Variants in ARHGAP42 observed in about 807,000 individuals in gnomAD.
ARHGAP42 encodes the protein rho GTPase-activating protein 42.
Under a neutral mutation model 125.0 loss-of-function variants are expected in ARHGAP42, and 63 were observed. The ratio of observed to expected loss-of-function variants is 0.50; its 90% CI spans 0.41 to 0.62. The LOEUF (loss-of-function observed/expected upper bound fraction) is 0.62. Among genes scored for constraint, ARHGAP42 ranks in the 20% least tolerant of loss-of-function variants. The pLI is 0.00. For missense variants in ARHGAP42, 766 were observed against 1,024.2 expected (o/e 0.75, Z 3.44); for synonymous variants, 339 against 351.0 (o/e 0.97, Z 0.38).
At chr11:100,893,158 G>GGTGTGTGTGT (rs142725608) in intron 4 of ARHGAP42, among the ~76,000 whole-genome samples, 25,097 of 146,878 alleles carry the variant, frequency 0.17, 2,851 homozygotes, top group East Asian at 0.49. Context: ...AACATTTAGG[G>GGTGTGTGTGT]GTGTGTGTGT....
At chr11:100,794,580 A>G (rs1863662358) in intron 2 of ARHGAP42, among the ~76,000 whole-genome samples, 1 of 152,194 alleles carries the variant, frequency 6.6e-6, no homozygotes, top group African/African-American at 2.4e-5. Flanking sequence ...TTGGATGTAG[A>G]AGTAAAGTTG....
At chr11:100,917,960 G>A (rs756517111) in intron 5 of ARHGAP42, among the ~76,000 whole-genome samples, 1 of 152,092 alleles carries the variant, frequency 6.6e-6, no homozygotes, top group Non-Finnish European at 1.5e-5. Flanking sequence ...TTGCTGGGGT[G>A]CACCAGACAC....
At chr11:100,730,375 ATTAAGCC>A (rs918589358) in intron 1 of ARHGAP42, among the ~76,000 whole-genome samples, 3 of 152,358 alleles carry the variant, frequency 2.0e-5, no homozygotes, top group South Asian at 2.1e-4. Context: ...ATGCATGGCT[ATTAAGCC>A]TTATGTATGA....
chr11:100,979,268 G>A (rs1484707529), intron 22 of ARHGAP42, among the ~76,000 whole-genome samples: 1 of 152,154 alleles, frequency 6.6e-6, no homozygotes, highest in African/African-American at 2.4e-5. Flanking sequence ...CAGTAGAAGG[G>A]CTCTAAACAA....
chr11:100,988,076 T>C (rs140314543), intron 23 of ARHGAP42, among the ~76,000 whole-genome samples: 14,035 of 152,128 alleles, frequency 0.092, 928 homozygotes, highest in Non-Finnish European at 0.13. Flanking sequence ...TGCAGTGAGC[T>C]GAGATGGCAC....
intron 1 of ARHGAP42, among the ~76,000 whole-genome samples, chr11:100,701,015 A>G (rs982762693): frequency 2.0e-5 from 3 of 152,216 alleles, no homozygotes; most frequent in African/African-American, 7.2e-5. Context: ...TTACTTCTTG[A>G]TCCATGGGCT....
chr11:100,911,425 G>C (rs1309226313), intron 4 of ARHGAP42, among the ~76,000 whole-genome samples: 1 of 152,066 alleles, frequency 6.6e-6, no homozygotes, highest in Non-Finnish European at 1.5e-5. Flanking sequence ...GGAGAGAGTT[G>C]AAAGAAGGGA....
intron 1 of ARHGAP42, among the ~76,000 whole-genome samples, chr11:100,749,705 T>C (rs1037309982): frequency 6.6e-6 from 1 of 152,058 alleles, no homozygotes; most frequent in Admixed American, 6.6e-5. Context: ...CCTTAAGCCA[T>C]ATGAGGTAGC....
Position 100,744,825 on chromosome 11 carries a change from A to T in ARHGAP42, c.155-25518A>T, listed in dbSNP as rs141276427. ...GCCGCAAAAGAAATAGCACTTGAAT[A>T]TAAAATTTTCTTTTTAATTCTCTGC... On this transcript the variant is annotated intron_variant, in intron 1 of 23. Coordinates refer to ENST00000298815, the MANE Select transcript of ARHGAP42 (RefSeq NM_152432.4). Among the ~76,000 whole-genome samples the T allele has an allele frequency of 4.4e-3, 674 of 152,198 alleles. 5 individuals are homozygous for T. The highest frequency in any genetic ancestry group is 0.015 in the African/African-American group (641 of 41,536).
At chr11:100,979,888 T>G (rs1858487631) in intron 22 of ARHGAP42, among the ~76,000 whole-genome samples, 1 of 152,198 alleles carries the variant, frequency 6.6e-6, no homozygotes, top group South Asian at 2.1e-4. Flanking sequence ...CAGATACTGT[T>G]GTATAGTTGT....
intron 4 of ARHGAP42, among the ~76,000 whole-genome samples, chr11:100,880,057 T>A (rs912463450): frequency 3.3e-5 from 5 of 152,182 alleles, no homozygotes; most frequent in African/African-American, 1.2e-4. Flanking sequence ...ATTTTTGATA[T>A]CCCTAGTGCC....
chr11:100,949,965 T>G lies in ARHGAP42; in HGVS notation c.1162+9T>G. On this transcript the variant is annotated intron_variant, in intron 12 of 23. Coordinates refer to ENST00000298815, the MANE Select transcript of ARHGAP42 (RefSeq NM_152432.4). ...AAGCAAGAAAGAAGAAAGTAAGTCA[T>G]TTTAATAGTTATTTAAAATTTTATC... 7.1e-7 allele frequency: 1 copy of G among 1,409,748 alleles called. No individual in the cohort carries two copies. The highest frequency in any genetic ancestry group is 1.3e-5 in the South Asian group (1 of 75,928). 87.3% of individuals were successfully genotyped at this position (1,409,748 alleles called of 1,614,324 possible). A position where few individuals can be genotyped will look rare whatever the true frequency, so the allele number is the denominator to read the frequency against.
intron 3 of ARHGAP42, among the ~76,000 whole-genome samples, chr11:100,835,532 G>A (rs1002198849): frequency 1.3e-5 from 2 of 152,064 alleles, no homozygotes; most frequent in African/African-American, 2.4e-5. Context: ...TTTCATAGAA[G>A]TTTTGAACTG....
intron 16 of ARHGAP42, among the ~76,000 whole-genome samples, chr11:100,963,679 T>C (rs1300465187): frequency 2.6e-5 from 4 of 152,196 alleles, no homozygotes; most frequent in African/African-American, 9.6e-5. Context: ...CTCCTCTTCA[T>C]AGAAATCTTT....
chr11:100,821,796 A>G (rs1864411500), intron 3 of ARHGAP42, among the ~76,000 whole-genome samples: 1 of 152,072 alleles, frequency 6.6e-6, no homozygotes. Flanking sequence ...GCTATACTTT[A>G]TTATGACAAC....
At chr11:100,815,507 T>G (rs1864247399) in intron 3 of ARHGAP42, among the ~76,000 whole-genome samples, 1 of 152,196 alleles carries the variant, frequency 6.6e-6, no homozygotes, top group Non-Finnish European at 1.5e-5. Flanking sequence ...CTAAGCTATG[T>G]TTGTTGCTCT....
intron 4 of ARHGAP42, among the ~76,000 whole-genome samples, chr11:100,903,049 G>T (rs1444450379): frequency 6.7e-6 from 1 of 149,982 alleles, no homozygotes; most frequent in Non-Finnish European, 1.5e-5. Context: ...GTCAGCTGAG[G>T]CCACTTGTAT....
Position 100,976,185 on chromosome 11 carries a change from A to G in ARHGAP42, c.1984A>G (p.Ile662Val), listed in dbSNP as rs1858384680. Residue 662 changes from isoleucine to valine, a missense_variant, in exon 20 of 24, where the codon ATT (isoleucine) becomes GTT (valine). By Grantham distance (29) the Ile-to-Val change is conservative. This residue lies in a region of ARHGAP42 where 308 missense variants were observed against 369.7 expected (regional missense o/e 0.83). Coordinates refer to ENST00000298815, the MANE Select transcript of ARHGAP42 (RefSeq NM_152432.4). Reference sequence around the variant, plus strand: ...CCAGCCCAGGGAGAAATCTGGAGGGATTCCTTGGATTGCAACCCCATCATC... The same window carrying G: ...CCAGCCCAGGGAGAAATCTGGAGGGGTTCCTTGGATTGCAACCCCATCATC... Reference protein sequence around the residue: ...SCQPREKSGGIPWIATPSSSN... With the variant: ...SCQPREKSGGVPWIATPSSSN... 6.4e-7 allele frequency: 1 copy of G among 1,551,530 alleles called. No homozygotes were observed. The highest frequency in any genetic ancestry group is 1.4e-5 in the African/African-American group (1 of 73,004).
intron 3 of ARHGAP42, among the ~76,000 whole-genome samples, chr11:100,805,043 T>G (rs1340776287): frequency 6.6e-6 from 1 of 152,222 alleles, no homozygotes; most frequent in Non-Finnish European, 1.5e-5. Context: ...CATTCCAAGG[T>G]GCAAGGCACT....
Sources: gnomAD v4.1 joint callset for allele counts (sites outside exome capture counted in the v4.1 genomes callset) on GRCh38, gnomAD v4.1.1 for gene constraint, gnomAD v4.1.1 regional missense constraint, MANE v1.5 for transcripts, NCBI Gene and HGNC (gene_info 2026-07-23, HGNC 2026-07-21) for gene names.